ODF2: variants seen among roughly 807,000 people sequenced by gnomAD.
ODF2 encodes the protein outer dense fiber of sperm tails 2.
A neutral mutation model predicts 110.2 loss-of-function variants in ODF2; 47 were observed. The observed-to-expected ratio is 0.43, with a 90% confidence interval of 0.34 to 0.54. ODF2 has a LOEUF of 0.54. Ranked by LOEUF, ODF2 falls within the 20% of genes least tolerant of loss-of-function variation. ODF2 has a pLI of 0.03. For missense variants in ODF2, 812 were observed against 1,054.5 expected, an observed-to-expected ratio of 0.77 and a Z score of 3.19; for synonymous variants, 352 against 397.7, an observed-to-expected ratio of 0.89 and a Z score of 1.37.
upstream of ODF2, chr9:128,456,029 A>C (rs1487101833): frequency 6.9e-7 from 1 of 1,445,910 alleles, no homozygotes; most frequent in Non-Finnish European, 9.1e-7. Context: ...CATCTCTGTG[A>C]CGCTAGGGGC....
chr9:128,478,023 A>G (rs1048045251), intron 8 of ODF2, among the ~76,000 whole-genome samples: 5 of 151,786 alleles, frequency 3.3e-5, no homozygotes, highest in African/African-American at 7.3e-5. Context: ...TTGTTTTGAT[A>G]CAGAGTCTCA....
intron 20 of ODF2, among the ~76,000 whole-genome samples, chr9:128,499,859 C>T (rs1273254639): frequency 6.6e-6 from 1 of 152,182 alleles, no homozygotes; most frequent in Non-Finnish European, 1.5e-5. Flanking sequence ...ATCATTCCGT[C>T]CTGACCTCCC....
chr9:128,476,364 T>G (rs1236686637), intron 8 of ODF2, among the ~76,000 whole-genome samples: 1 of 152,150 alleles, frequency 6.6e-6, no homozygotes, highest in Admixed American at 6.6e-5. Flanking sequence ...CTTGGCTCAC[T>G]GTAACCTCCA....
chr9:128,492,658 C>A, intron 15 of ODF2, 43 bp from the exon 16 acceptor site: 1 of 1,581,960 alleles, frequency 6.3e-7, no homozygotes, highest in South Asian at 1.1e-5. Flanking sequence ...TTCATCAAAA[C>A]GTGGCTCTAC....
chr9:128,460,184 C>T, intron 3 of ODF2: 1 of 1,302,120 alleles, frequency 7.7e-7, no homozygotes. Context: ...GAAGGATCCG[C>T]CTGCTTTCCG....
At position 128,471,494 on chromosome 9, in the gene ODF2, G is replaced by A. The variant is rs773598336; in HGVS notation, c.581+26G>A. On this transcript the variant is annotated intron_variant, in intron 6 of 20. Transcript: ENST00000604420. Reference sequence around the variant, plus strand: ...GTAAGGTGGCTCCTGCTCTGTCCCCGCTGATCTATTCCTCCCTACCAGGCT... The same window carrying A: ...GTAAGGTGGCTCCTGCTCTGTCCCCACTGATCTATTCCTCCCTACCAGGCT... The A allele has an allele frequency of 2.1e-5, 33 of 1,604,924 alleles. 1 individual carries two copies. In the South Asian group the frequency reaches 2.1e-4, roughly 10 times the overall value.
intron 18 of ODF2, chr9:128,497,448 TATATATATATATATA>T (rs1845823929): frequency 8.0e-5 from 2 of 25,042 alleles, no homozygotes; most frequent in Admixed American, 6.3e-4. Flanking sequence ...AAAAAAAAAA[TATATATATATATATA>T]TATATATATA....
intron 1 of ODF2, 164 bp downstream of exon 1, chr9:128,456,419 C>A: frequency 6.8e-7 from 1 of 1,481,430 alleles, no homozygotes; most frequent in South Asian, 1.3e-5. Context: ...GCCCCCGCCC[C>A]GCCCACCGGC....
intron 7 of ODF2, 58 bp downstream of exon 7, chr9:128,473,100 C>CAGGCTGGG: frequency 6.2e-7 from 1 of 1,608,646 alleles, no homozygotes; most frequent in Non-Finnish European, 8.5e-7. Context: ...GGGGCAGCTG[C>CAGGCTGGG]AGGCTGGGCA....
intron 18 of ODF2, chr9:128,497,377 G>A (rs1381810916): frequency 7.7e-6 from 1 of 130,318 alleles, no homozygotes; most frequent in African/African-American, 2.9e-5. Flanking sequence ...CACGAGGTCA[G>A]GAGATCGAGG....
intron 1 of ODF2, 160 bp downstream of exon 1, chr9:128,456,415 GC>G: frequency 4.1e-6 from 6 of 1,477,288 alleles, no homozygotes; most frequent in Non-Finnish European, 5.3e-6. Context: ...CTGGGCCCCC[GC>G]CCCGCCCACC....
chr9:128,471,234 A>G, intron 5 of ODF2, 74 bp from the exon 6 acceptor site: 1 of 1,455,184 alleles, frequency 6.9e-7, no homozygotes, highest in Non-Finnish European at 9.2e-7. Flanking sequence ...TTTGGTCCAA[A>G]GCATTGAGCC....
intron 14 of ODF2, among the ~76,000 whole-genome samples, chr9:128,488,548 G>GT (rs1270197989): frequency 6.6e-6 from 1 of 152,184 alleles, no homozygotes; most frequent in African/African-American, 2.4e-5. Context: ...TGAGAATGTG[G>GT]TAACGCATGT....
chr9:128,481,976 T>G (rs976023100), intron 9 of ODF2, among the ~76,000 whole-genome samples: 2 of 152,178 alleles, frequency 1.3e-5, no homozygotes, highest in Non-Finnish European at 2.9e-5. Context: ...CATCAAAAAG[T>G]ACACACCTTT....
intron 15 of ODF2, 69 bp downstream of exon 15, chr9:128,492,605 C>A: frequency 6.6e-7 from 1 of 1,521,490 alleles, no homozygotes; most frequent in Non-Finnish European, 9.1e-7. Flanking sequence ...TGGGGGCTCC[C>A]TACCAGGCCA....
intron 2 of ODF2, among the ~76,000 whole-genome samples, chr9:128,457,943 A>ATATATT (rs1554817270): frequency 1.0e-4 from 14 of 140,450 alleles, no homozygotes; most frequent in Admixed American, 1.4e-4. Context: ...ATATATATAT[A>ATATATT]TTTTTTTTTT....
upstream of ODF2, chr9:128,455,985 C>A (rs140357997): frequency 7.1e-4 from 999 of 1,413,750 alleles, 5 homozygotes; most frequent in African/African-American, 0.012. Flanking sequence ...GGACGCGTGG[C>A]CCGGAAGTGG....
chr9:128,500,817 C>T (rs140243387), downstream of ODF2: 5 of 152,346 alleles, frequency 3.3e-5, no homozygotes, highest in Non-Finnish European at 5.9e-5. Flanking sequence ...AATAGACCCT[C>T]GAGGGCTTGT....
At chr9:128,468,430 T>A (rs1416438902) in intron 4 of ODF2, among the ~76,000 whole-genome samples, 2 of 152,176 alleles carry the variant, frequency 1.3e-5, no homozygotes, top group African/African-American at 4.8e-5. Flanking sequence ...AGTGGTGCTA[T>A]CATAGCTCAC....
Sources: gnomAD v4.1 joint callset for allele counts (sites outside exome capture counted in the v4.1 genomes callset) on GRCh38, gnomAD v4.1.1 for gene constraint, MANE v1.5 for transcripts, NCBI Gene and HGNC (gene_info 2026-07-23, HGNC 2026-07-21) for gene names.